Variants in NT5DC1 observed in about 807,000 individuals in gnomAD.
NT5DC1 encodes the protein 5'-nucleotidase domain-containing protein 1.
NT5DC1 carries 42 observed loss-of-function variants against 59.4 expected under a neutral mutation model. The observed-to-expected ratio is 0.71, with a 90% CI of 0.55 to 0.92. The LOEUF is 0.92. Among genes scored for constraint, NT5DC1 ranks in the 40% least tolerant of loss-of-function variants. The probability of loss-of-function intolerance (pLI) is 0.00; values close to 1 mark genes in which losing one functional copy is unlikely to be tolerated. For synonymous variants in NT5DC1, 172 were observed against 188.1 expected, an observed-to-expected ratio of 0.91 and a Z score of 0.70; for missense variants, 501 against 537.1, an observed-to-expected ratio of 0.93 and a Z score of 0.66.
intron 4 of NT5DC1, among the ~76,000 whole-genome samples, chr6:116,112,261 A>G (rs1236845354): frequency 2.0e-5 from 3 of 152,194 alleles, no homozygotes; most frequent in African/African-American, 2.4e-5. Flanking sequence ...GTTGTGACAC[A>G]TAATAGAGGC....
In NT5DC1 at chr6:116,244,099, A is replaced by G; in HGVS notation, c.*75A>G. On this transcript the variant is annotated 3_prime_UTR_variant, in exon 12 of 12. Transcript: ENST00000319550. ...AAAGTTAATTTTCAAAAAATACTGT[A>G]AAAGACTTTAAGGAACAAGTTTTAT... The G allele has an allele frequency of 5.3e-6, 3 of 562,958 alleles. No homozygotes were observed. The highest frequency in any genetic ancestry group is 9.5e-6 in the Non-Finnish European group (3 of 314,728). 34.9% of individuals were successfully genotyped at this position (562,958 alleles called of 1,614,324 possible).
intron 6 of NT5DC1, among the ~76,000 whole-genome samples, chr6:116,159,880 T>TA (rs1194360615): frequency 6.6e-4 from 101 of 152,312 alleles, no homozygotes; most frequent in Non-Finnish European, 2.2e-4. Context: ...TTTTTTTGTT[T>TA]CTGAGTTGTT....
intron 1 of NT5DC1, among the ~76,000 whole-genome samples, chr6:116,105,408 C>G (rs1778749607): frequency 6.6e-6 from 1 of 152,158 alleles, no homozygotes; most frequent in African/African-American, 2.4e-5. Context: ...GAAGAAGGGT[C>G]AGATTGTTCA....
chr6:116,179,291 A>G (rs1336205298), intron 6 of NT5DC1, among the ~76,000 whole-genome samples: 1 of 152,168 alleles, frequency 6.6e-6, no homozygotes, highest in Non-Finnish European at 1.5e-5. Flanking sequence ...AGAATTCTGA[A>G]AACTGCATAA....
chr6:116,123,319 G>C (rs754669320), intron 6 of NT5DC1, among the ~76,000 whole-genome samples: 1 of 152,196 alleles, frequency 6.6e-6, no homozygotes. Flanking sequence ...TTCTCAGTGC[G>C]AGAAAGAATT....
intron 8 of NT5DC1, among the ~76,000 whole-genome samples, chr6:116,232,070 G>A (rs908286034): frequency 6.6e-6 from 1 of 152,110 alleles, no homozygotes; most frequent in African/African-American, 2.4e-5. Context: ...TCTCTTCTTG[G>A]TTTGTAGATG....
chr6:116,143,418 T>A (rs1206689531), intron 6 of NT5DC1, among the ~76,000 whole-genome samples: 1 of 152,182 alleles, frequency 6.6e-6, no homozygotes, highest in Non-Finnish European at 1.5e-5. Flanking sequence ...TTCACCATGT[T>A]GGCCAGGATG....
chr6:116,122,783 A>G lies in NT5DC1; in HGVS notation c.529+4838A>G, dbSNP rs866775907. On this transcript the variant is annotated intron_variant, in intron 6 of 11. Coordinates refer to ENST00000319550, the MANE Select transcript of NT5DC1 (RefSeq NM_152729.3). ...TGCAGAGCGAATCATTAAAATAGAT[A>G]TGCCGAAATAGGAAAATAATTGTTT... 1.7e-4 allele frequency among the ~76,000 whole-genome samples: 26 copies of G among 152,312 alleles called. No homozygotes were observed. In the South Asian group the frequency reaches 2.5e-3, roughly 15 times the overall value.
intron 6 of NT5DC1, among the ~76,000 whole-genome samples, chr6:116,178,889 C>A (rs1215320032): frequency 1.3e-5 from 2 of 152,146 alleles, no homozygotes; most frequent in South Asian, 2.1e-4. Context: ...AGCAAAATTT[C>A]TTTTACTCGA....
At chr6:116,156,153 C>T (rs1780187762) in intron 6 of NT5DC1, among the ~76,000 whole-genome samples, 1 of 152,008 alleles carries the variant, frequency 6.6e-6, no homozygotes, top group Non-Finnish European at 1.5e-5. Flanking sequence ...TCTCCTGTTC[C>T]CCATCATCTT....
At chr6:116,214,331 C>G (rs898072252) in intron 6 of NT5DC1, among the ~76,000 whole-genome samples, 4 of 152,122 alleles carry the variant, frequency 2.6e-5, no homozygotes, top group Non-Finnish European at 5.9e-5. Context: ...TTCTATTTTA[C>G]TTAAAAAGAT....
intron 6 of NT5DC1, among the ~76,000 whole-genome samples, chr6:116,125,117 A>G (rs1424888443): frequency 6.6e-6 from 1 of 152,208 alleles, no homozygotes; most frequent in Non-Finnish European, 1.5e-5. Flanking sequence ...GATTTTTTGC[A>G]GGTATATCTT....
chr6:116,241,928 AAAAAAAAAAACAAAAC>A lies in NT5DC1; in HGVS notation c.1253-1970_1253-1955del, dbSNP rs1187689716. Among the ~76,000 whole-genome samples, 21 of 31,172 alleles carry A rather than the reference AAAAAAAAAAACAAAAC, an allele frequency of 6.7e-4. 1 individual carries two copies. The highest frequency in any genetic ancestry group is 3.3e-3 in the South Asian group (1 of 306). The allele number at this position is 31,172 out of a possible 152,430, so 20.5% of individuals were successfully genotyped here. A position where few individuals can be genotyped will look rare whatever the true frequency, so the allele number is the denominator to read the frequency against. On this transcript the variant is annotated intron_variant, in intron 11 of 11. Transcript: ENST00000319550. ...ACAGAGCAAGACTCCGTCTCAAAAA[AAAAAAAAAAACAAAAC>A]AAAAAAAAAAAAAAACAAAGAATCA...
In NT5DC1 at chr6:116,246,706, T is replaced by C. The variant is rs988738132; in HGVS notation, c.*2682T>C. 2 of 152,220 alleles carry C rather than the reference T, an allele frequency of 1.3e-5. No homozygotes were observed. Among genetic ancestry groups the C allele is most frequent in the East Asian group, 3.9e-4 (2 of 5,186 alleles). The allele number at this position is 152,220 out of a possible 1,614,324, so 9.4% of individuals were successfully genotyped here. A position where few individuals can be genotyped will look rare whatever the true frequency, so the allele number is the denominator to read the frequency against. ...GAGTACAAGAAGACTATCATAAGAG[T>C]TAGTTCCAGATTGGTGCAAGACTGG... On this transcript the variant is annotated 3_prime_UTR_variant, in exon 12 of 12. Transcript: ENST00000319550.
intron 6 of NT5DC1, among the ~76,000 whole-genome samples, chr6:116,165,171 C>G (rs1233981840): frequency 6.6e-6 from 1 of 151,032 alleles, no homozygotes; most frequent in Admixed American, 6.6e-5. Flanking sequence ...ATCCCTGTCT[C>G]TTCTGGCTTG....
chr6:116,240,023 C>T (rs1771667825), intron 11 of NT5DC1, among the ~76,000 whole-genome samples: 1 of 152,030 alleles, frequency 6.6e-6, no homozygotes, highest in African/African-American at 2.4e-5. Flanking sequence ...GCGAATTAGA[C>T]ACAGATGAAA....
chr6:116,215,972 C>A (rs965046057), intron 6 of NT5DC1, among the ~76,000 whole-genome samples: 1 of 152,022 alleles, frequency 6.6e-6, no homozygotes, highest in Non-Finnish European at 1.5e-5. Flanking sequence ...TTAAACTGTT[C>A]GAATAATTTT....
At chr6:116,193,685 C>A (rs754430553) in intron 6 of NT5DC1, among the ~76,000 whole-genome samples, 3 of 152,078 alleles carry the variant, frequency 2.0e-5, no homozygotes, top group African/African-American at 7.2e-5. Context: ...ATTTTCAAAG[C>A]GTGCTTTAAT....
In NT5DC1 at chr6:116,243,765, C is replaced by A. The variant is rs1425274404; in HGVS notation, c.1253-144C>A. On this transcript the variant is annotated intron_variant, in intron 11 of 11. Transcript: ENST00000319550. ...ATTTTTAACCTTATAATAATAGCTA[C>A]ACACAGACCTACTGAAGGAGCAAAA... 4.0e-5 allele frequency: 20 copies of A among 501,238 alleles called. 1 individual carries two copies. In the Middle Eastern group the frequency reaches 2.7e-3, roughly 67 times the overall value. 31.0% of individuals were successfully genotyped at this position (501,238 alleles called of 1,614,324 possible). A position where few individuals can be genotyped will look rare whatever the true frequency, so the allele number is the denominator to read the frequency against.
Sources: gnomAD v4.1 joint callset for allele counts (sites outside exome capture counted in the v4.1 genomes callset) on GRCh38, gnomAD v4.1.1 for gene constraint, MANE v1.5 for transcripts, NCBI Gene and HGNC (gene_info 2026-07-23, HGNC 2026-07-21) for gene names.